Variants in ARHGAP27 observed in about 807,000 individuals in gnomAD.
The protein encoded by ARHGAP27 is rho GTPase-activating protein 27.
ARHGAP27 carries 53 observed loss-of-function variants against 102.0 expected under a neutral mutation model. That is an observed-to-expected ratio of 0.52 (90% confidence interval 0.42 to 0.65). The LOEUF is 0.65. ARHGAP27 is among the 30% of genes least tolerant of loss of function. The probability of loss-of-function intolerance (pLI) is 0.00; values close to 1 mark genes in which losing one functional copy is unlikely to be tolerated. For missense variants in ARHGAP27, 1,117 were observed against 1,256.2 expected, an observed-to-expected ratio of 0.89 and a Z score of 1.68; for synonymous variants, 525 against 542.8, an observed-to-expected ratio of 0.97 and a Z score of 0.46.
rs1478263067 is a variant in ARHGAP27, at chr17:45,429,610, C to T, written c.657+13G>A. On this transcript the variant is annotated intron_variant, in intron 4 of 19. Coordinates refer to ENST00000685559, the MANE Select transcript of ARHGAP27 (RefSeq NM_001282290.2). ...CGCCACCCGCCTCCGCGCCCCAGCGCCCGGGGAGGTACCTGCTCTGCGCTC... is the reference window on the plus strand; with the variant it reads ...CGCCACCCGCCTCCGCGCCCCAGCGTCCGGGGAGGTACCTGCTCTGCGCTC... The T allele has an allele frequency of 6.3e-7, 1 of 1,576,094 alleles. No homozygotes were observed. Among genetic ancestry groups the T allele is most frequent in the African/African-American group, 1.4e-5 (1 of 73,714 alleles).
rs1159626898 is a variant in ARHGAP27, at chr17:45,405,074, C to A, written c.1098G>T (p.Ser366=). The A allele has an allele frequency of 3.1e-6, 5 of 1,602,010 alleles. No homozygotes were observed. The highest frequency in any genetic ancestry group is 4.3e-6 in the Non-Finnish European group (5 of 1,172,954). The stretch of plus-strand genomic sequence containing the variant: ...AGTCCTCCTCGGGGTAACTGGTCAG[C>A]GACTCGGGGTAGTCCGTCTCGGGAG... ...PPTPETDYPE[S]LTSYPEEDYS... Residue 366 remains serine, a synonymous_variant, in exon 6 of 20, where the codon TCG becomes TCT. Coordinates refer to ENST00000685559, the MANE Select transcript of ARHGAP27 (RefSeq NM_001282290.2).
chr17:45,428,129 C>T (rs73984397), intron 4 of ARHGAP27, among the ~76,000 whole-genome samples: 3,959 of 152,358 alleles, frequency 0.026, 165 homozygotes, highest in African/African-American at 0.09. Context: ...CATTCCCCCA[C>T]CTCCAGGGGC....
intron 4 of ARHGAP27, among the ~76,000 whole-genome samples, chr17:45,423,264 G>C (rs371646502): frequency 4.6e-5 from 7 of 152,136 alleles, no homozygotes; most frequent in African/African-American, 1.7e-4. Flanking sequence ...TGGTCACAAA[G>C]AAATTCATAA....
intron 4 of ARHGAP27, 148 bp downstream of exon 4, chr17:45,429,475 G>T: frequency 6.7e-7 from 1 of 1,485,954 alleles, no homozygotes; most frequent in South Asian, 1.4e-5. Context: ...TTTCGCGGTT[G>T]GGGAGAGGGA....
chr17:45,397,814 C>A, intron 13 of ARHGAP27, 135 bp downstream of exon 13: 1 of 689,816 alleles, frequency 1.4e-6, no homozygotes, highest in Non-Finnish European at 2.2e-6. Context: ...GCCTACCCTG[C>A]CATCCTAGCC....
rs1156742193 is a variant in ARHGAP27, at chr17:45,405,893, T to G, written c.848A>C (p.Glu283Ala). 6.5e-7 allele frequency: 1 copy of G among 1,535,396 alleles called. No homozygotes were observed. Among genetic ancestry groups the G allele is most frequent in the Non-Finnish European group, 8.7e-7 (1 of 1,146,728 alleles). The change falls in exon 5 of 20, where the codon GAG (glutamate) becomes GCG (alanine). Residue 283 changes from glutamate to alanine, a missense_variant. Glu to Ala is a moderately radical substitution (Grantham distance 107). Coordinates refer to ENST00000685559, the MANE Select transcript of ARHGAP27 (RefSeq NM_001282290.2). ...TTWESPFEAA[E>A]GAASPATSPA... ...GGAGGTGGCTGGGCTGGCGGCACCC[T>G]CGGCAGCCTCAAAGGGCGACTCCCA...
At chr17:45,416,041 T>G (rs146456709) in intron 4 of ARHGAP27, among the ~76,000 whole-genome samples, 66 of 152,086 alleles carry the variant, frequency 4.3e-4, no homozygotes, top group African/African-American at 6.7e-4. Flanking sequence ...TGTTTTTTTT[T>G]TTTGTTTGTT....
rs780089416 is a variant in ARHGAP27, at chr17:45,430,171, G to GC, written c.108dup (p.Leu37AlafsTer15). On this transcript the variant is annotated frameshift_variant, in exon 4 of 20. Coordinates refer to ENST00000685559, the MANE Select transcript of ARHGAP27 (RefSeq NM_001282290.2). LOFTEE classifies it high-confidence loss of function. The surrounding 1 kb of genome is among the most constrained non-coding windows in gnomAD (Gnocchi z 4.4). The stretch of plus-strand genomic sequence containing the variant: ...CAGTGCTCGGTGCTGCGCCGCAGCA[G>GC]CCGGTAGCGCTCATTCGGCCGGATG... The GC allele has an allele frequency of 6.5e-7, 1 of 1,539,422 alleles. No individual in the cohort carries two copies. The highest frequency in any genetic ancestry group is 1.2e-5 in the South Asian group (1 of 84,460).
At chr17:45,424,383 C>T (rs745334573) in intron 4 of ARHGAP27, among the ~76,000 whole-genome samples, 43 of 152,244 alleles carry the variant, frequency 2.8e-4, no homozygotes, top group Non-Finnish European at 5.4e-4. Flanking sequence ...CTCTCACTCC[C>T]CGGCACAGAT....
chr17:45,429,400 G>A, intron 4 of ARHGAP27: 1 of 1,367,920 alleles, frequency 7.3e-7, no homozygotes, highest in Admixed American at 3.7e-5. Flanking sequence ...AAAGCCTCTG[G>A]GCTTCCAGGG....
At chr17:45,419,966 A>G (rs2048874094) in intron 4 of ARHGAP27, among the ~76,000 whole-genome samples, 1 of 152,250 alleles carries the variant, frequency 6.6e-6, no homozygotes, top group South Asian at 2.1e-4. Flanking sequence ...GTTTGACAAC[A>G]GTCAGTTGGC....
At position 45,395,445 on chromosome 17, in the gene ARHGAP27, C is replaced by T. The variant is rs749548443; in HGVS notation, c.*11G>A. On this transcript the variant is annotated 3_prime_UTR_variant, in exon 20 of 20. Coordinates refer to ENST00000685559, the MANE Select transcript of ARHGAP27 (RefSeq NM_001282290.2). Reference sequence around the variant, plus strand: ...AGGACCGCGGCCGCCGCCCCAGTCACAGGCCAGCAGTCAGTGCGGCGGGAA... The same window carrying T: ...AGGACCGCGGCCGCCGCCCCAGTCATAGGCCAGCAGTCAGTGCGGCGGGAA... 1.3e-5 allele frequency: 20 copies of T among 1,551,778 alleles called. No homozygotes were observed. The highest frequency in any genetic ancestry group is 1.7e-4 in the Middle Eastern group (1 of 5,972).
chr17:45,421,552 C>T (rs939595184), intron 4 of ARHGAP27, among the ~76,000 whole-genome samples: 52 of 152,116 alleles, frequency 3.4e-4, no homozygotes, highest in African/African-American at 1.2e-3. Flanking sequence ...GAGAAAAGAC[C>T]GGAGTCTACA....
At chr17:45,418,363 G>T (rs1326726874) in intron 4 of ARHGAP27, among the ~76,000 whole-genome samples, 2 of 151,674 alleles carry the variant, frequency 1.3e-5, no homozygotes, top group African/African-American at 4.8e-5. Flanking sequence ...TCAGCTATTT[G>T]GGAGGACCAA....
Position 45,430,271 on chromosome 17 carries a change from C to A in ARHGAP27, c.9G>T (p.Ala3=). The part of the protein sequence containing the change: MA[A]DVVGDVYVLV... ...GCACGTACACGTCCCCCACCACGTC[C>A]GCCGCCATCGCAGCCGCGGCGTTTT... The change falls in exon 4 of 20, where the codon GCG becomes GCT. Residue 3 remains alanine (A), a synonymous_variant. Transcript: ENST00000685559. The surrounding 1 kb of genome is among the most constrained non-coding windows in gnomAD (Gnocchi z 4.4). 1 of 1,573,746 alleles carries A rather than the reference C, an allele frequency of 6.4e-7. No individual in the cohort carries two copies. Among genetic ancestry groups the A allele is most frequent in the African/African-American group, 1.3e-5 (1 of 74,286 alleles).
rs779499425 is a variant in ARHGAP27, at chr17:45,396,278, T to C, written c.2180A>G (p.Asp727Gly). 2.5e-6 allele frequency: 4 copies of C among 1,612,054 alleles called. No individual in the cohort carries two copies. The highest frequency in any genetic ancestry group is 3.4e-6 in the Non-Finnish European group (4 of 1,179,278). ...CIRAVEARGL[D>G]IDGLYRISGN... ...ACTGATGCGGTACAGCCCGTCGATGTCCAGCCCTGGGCCAGAGGGAGGCGC... is the reference window on the plus strand; with the variant it reads ...ACTGATGCGGTACAGCCCGTCGATGCCCAGCCCTGGGCCAGAGGGAGGCGC... Residue 727 changes from aspartate (D) to glycine (G), a missense_variant, in exon 17 of 20, where the codon GAC becomes GGC. Asp to Gly is a moderately conservative substitution (Grantham distance 94). Transcript: ENST00000685559.
intron 4 of ARHGAP27, among the ~76,000 whole-genome samples, chr17:45,417,156 C>G (rs1207620430): frequency 1.5e-5 from 2 of 133,020 alleles, no homozygotes; most frequent in Non-Finnish European, 3.2e-5. Flanking sequence ...AACTCTGTCT[C>G]AAAAAAAAAA....
chr17:45,414,470 C>T (rs1301274774), intron 4 of ARHGAP27, among the ~76,000 whole-genome samples: 1 of 151,006 alleles, frequency 6.6e-6, no homozygotes, highest in Non-Finnish European at 1.5e-5. Flanking sequence ...CAGCGTCTTG[C>T]TCTGTCACCC....
Position 45,430,319 on chromosome 17 carries a change from G to A in ARHGAP27, c.-18-22C>T, listed in dbSNP as rs1434832006. On this transcript the variant is annotated intron_variant, in intron 3 of 19. Transcript: ENST00000685559. This position sits in a 1 kb window ranked among gnomAD's most constrained non-coding sequence, Gnocchi z 4.4. ...TTTCCTGCGGGCAACAAGAAGGAGG[G>A]CCGCGGAGGTCAAGACCACCGAGCC... is the stretch of plus-strand genomic sequence containing the variant. The A allele has an allele frequency of 1.9e-5, 29 of 1,525,172 alleles. No homozygotes were observed. The highest frequency in any genetic ancestry group is 2.5e-5 in the Non-Finnish European group (29 of 1,144,594). The allele number at this position is 1,525,172 out of a possible 1,614,324, so 94.5% of individuals were successfully genotyped here. A position where few individuals can be genotyped will look rare whatever the true frequency, so the allele number is the denominator to read the frequency against.
Sources: gnomAD v4.1 joint callset for allele counts (sites outside exome capture counted in the v4.1 genomes callset) on GRCh38, gnomAD v4.1.1 for gene constraint, Gnocchi (gnomAD v3.1) non-coding constraint, MANE v1.5 for transcripts, NCBI Gene and HGNC (gene_info 2026-07-23, HGNC 2026-07-21) for gene names.